ZC3H3: variants seen among roughly 807,000 people sequenced by gnomAD.
ZC3H3 encodes zinc finger CCCH domain-containing protein 3.
In ZC3H3, 36 loss-of-function variants were observed where a neutral mutation model predicts 77.3. That is an observed-to-expected ratio of 0.47 (90% CI 0.36 to 0.61). The LOEUF (loss-of-function observed/expected upper bound fraction) is 0.61. ZC3H3 is among the 20% of genes least tolerant of loss of function. The pLI is 0.00. For missense variants in ZC3H3, 1,331 were observed against 1,312.2 expected, an observed-to-expected ratio of 1.01 and a Z score of -0.22; for synonymous variants, 626 against 555.2, an observed-to-expected ratio of 1.13 and a Z score of -1.79.
chr8:143,467,360 G>A (rs1028893155), intron 8 of ZC3H3, among the ~76,000 whole-genome samples: 8 of 152,196 alleles, frequency 5.3e-5, no homozygotes, highest in Non-Finnish European at 1.0e-4. Context: ...ACTGGTGCGG[G>A]GCGTCCACAT....
chr8:143,465,052 G>A (rs138411301), intron 9 of ZC3H3, among the ~76,000 whole-genome samples: 8 of 152,178 alleles, frequency 5.3e-5, no homozygotes, highest in East Asian at 1.9e-4. Context: ...CTGCACTGCC[G>A]GGAACTTCCC....
At chr8:143,520,860 C>G (rs1239673168) in intron 3 of ZC3H3, among the ~76,000 whole-genome samples, 1 of 152,198 alleles carries the variant, frequency 6.6e-6, no homozygotes, top group Admixed American at 6.5e-5. Flanking sequence ...TGCCCAGGAG[C>G]TAGGCCAGGA....
At chr8:143,518,480 CCT>C (rs1166444842) in intron 3 of ZC3H3, among the ~76,000 whole-genome samples, 2 of 152,246 alleles carry the variant, frequency 1.3e-5, no homozygotes, top group South Asian at 4.1e-4. Context: ...AGCAGCGGCC[CCT>C]GAGAGAAACG....
At chr8:143,491,340 C>T (rs529070573) in intron 4 of ZC3H3, among the ~76,000 whole-genome samples, 7 of 152,364 alleles carry the variant, frequency 4.6e-5, no homozygotes, top group South Asian at 4.1e-4. Context: ...CCGGCCCACA[C>T]GGAACCACGC....
At chr8:143,473,296 G>A (rs570999064) in intron 5 of ZC3H3, among the ~76,000 whole-genome samples, 3 of 152,236 alleles carry the variant, frequency 2.0e-5, no homozygotes, top group Admixed American at 6.5e-5. Flanking sequence ...GCCTCAGGAT[G>A]CTCTTGCTGC....
intron 9 of ZC3H3, among the ~76,000 whole-genome samples, chr8:143,444,336 C>T (rs1456334423): frequency 6.6e-6 from 1 of 152,116 alleles, no homozygotes; most frequent in Non-Finnish European, 1.5e-5. Flanking sequence ...AACAAGTCCA[C>T]TGTATAGAAA....
chr8:143,470,452 T>C (rs1441149747), intron 5 of ZC3H3, among the ~76,000 whole-genome samples: 1 of 152,152 alleles, frequency 6.6e-6, no homozygotes, highest in Non-Finnish European at 1.5e-5. Context: ...GCCCCCGTTC[T>C]CAGGCCGGGA....
At chr8:143,477,659 G>T (rs1361457746) in intron 4 of ZC3H3, among the ~76,000 whole-genome samples, 1 of 152,190 alleles carries the variant, frequency 6.6e-6, no homozygotes, top group Admixed American at 6.5e-5. Flanking sequence ...AGCCTGGGGG[G>T]CTCAGAGGCA....
chr8:143,479,945 C>T (rs1435798636), intron 4 of ZC3H3, among the ~76,000 whole-genome samples: 1 of 152,206 alleles, frequency 6.6e-6, no homozygotes, highest in Non-Finnish European at 1.5e-5. Context: ...AACTTGCAGG[C>T]CAGAGGCTGC....
chr8:143,526,316 C>A (rs903442116), intron 3 of ZC3H3, among the ~76,000 whole-genome samples: 7 of 152,332 alleles, frequency 4.6e-5, no homozygotes, highest in East Asian at 3.9e-4. Context: ...GCCCAGTGAG[C>A]AAGGGCAGGG....
chr8:143,455,629 T>A (rs960429421), intron 9 of ZC3H3, among the ~76,000 whole-genome samples: 5 of 152,184 alleles, frequency 3.3e-5, no homozygotes, highest in African/African-American at 1.2e-4. Flanking sequence ...GCTGTCACAC[T>A]GCAAACTGCA....
rs1820235591 is a variant in ZC3H3, at chr8:143,460,602, C to CT, written c.2307+5114_2307+5115insA. The stretch of plus-strand genomic sequence containing the variant: ...AGTGAAAGCGGGGCTCAAACAGATA[C>CT]CTGGCTGTCAGGAATCACTACAGCA... On this transcript the variant is annotated intron_variant, in intron 9 of 11. Transcript: ENST00000262577. This position sits in a 1 kb window ranked among gnomAD's most constrained non-coding sequence, Gnocchi z 4.0. 6.6e-6 allele frequency among the ~76,000 whole-genome samples: 1 copy of CT among 152,182 alleles called. No individual in the cohort carries two copies. Among genetic ancestry groups the CT allele is most frequent in the Non-Finnish European group, 1.5e-5 (1 of 68,036 alleles).
chr8:143,482,410 T>C (rs1820931028), intron 4 of ZC3H3, among the ~76,000 whole-genome samples: 1 of 152,136 alleles, frequency 6.6e-6, no homozygotes, highest in Non-Finnish European at 1.5e-5. Context: ...TGTAAATGTG[T>C]GTTGCGAGAA....
rs1175844220 is a variant in ZC3H3 at position 143,494,872 on chromosome 8, T to C, written c.1715+12874A>G. Among the ~76,000 whole-genome samples, 2 of 152,144 alleles carry C rather than the reference T, an allele frequency of 1.3e-5. No homozygotes were observed. The highest frequency in any genetic ancestry group is 2.4e-5 in the African/African-American group (1 of 41,426). On this transcript the variant is annotated intron_variant, in intron 4 of 11. Transcript: ENST00000262577. This position sits in a 1 kb window ranked among gnomAD's most constrained non-coding sequence, Gnocchi z 5.3. ...ACCTTTCACACGGGAAGACCACCAG[T>C]GGCCTTACGTTAGCCCGAGCAGGTA... is the stretch of plus-strand genomic sequence containing the variant.
chr8:143,476,855 C>T (rs772847947), intron 4 of ZC3H3, among the ~76,000 whole-genome samples: 1 of 152,352 alleles, frequency 6.6e-6, no homozygotes, highest in South Asian at 2.1e-4. Flanking sequence ...AGTACCTGAG[C>T]CCCCCAACCC....
intron 3 of ZC3H3, among the ~76,000 whole-genome samples, chr8:143,531,023 G>C (rs2382956): frequency 0.35 from 51,511 of 148,538 alleles, 9,199 homozygotes; most frequent in East Asian, 0.55. Context: ...GCAGTGGTGC[G>C]ATCATGGCTC....
intron 5 of ZC3H3, among the ~76,000 whole-genome samples, chr8:143,475,113 A>T (rs1820695485): frequency 6.6e-6 from 1 of 152,208 alleles, no homozygotes; most frequent in African/African-American, 2.4e-5. Flanking sequence ...GGCACCCTCC[A>T]TTCTCCGGCT....
intron 9 of ZC3H3, among the ~76,000 whole-genome samples, chr8:143,445,235 G>T (rs1281905212): frequency 6.6e-6 from 1 of 152,080 alleles, no homozygotes; most frequent in Non-Finnish European, 1.5e-5. Context: ...TACAAAATTA[G>T]CTGGGCATAG....
intron 3 of ZC3H3, among the ~76,000 whole-genome samples, chr8:143,534,486 C>G (rs955117851): frequency 6.6e-6 from 1 of 152,102 alleles, no homozygotes; most frequent in Admixed American, 6.5e-5. Context: ...GCCTATGCCC[C>G]ACTCTACTAG....
Sources: gnomAD v4.1 joint callset for allele counts (sites outside exome capture counted in the v4.1 genomes callset) on GRCh38, gnomAD v4.1.1 for gene constraint, Gnocchi (gnomAD v3.1) non-coding constraint, MANE v1.5 for transcripts, NCBI Gene and HGNC (gene_info 2026-07-23, HGNC 2026-07-21) for gene names.